Variants in FIGLA observed in about 807,000 individuals in gnomAD.
The protein encoded by FIGLA is factor in the germline alpha.
Under a neutral mutation model 21.5 loss-of-function variants are expected in FIGLA, and 17 were observed. That is an observed-to-expected ratio of 0.79 (90% CI 0.54 to 1.19). The LOEUF (loss-of-function observed/expected upper bound fraction) is 1.19. FIGLA is among the 50% of genes most tolerant of loss of function. The pLI, the probability that FIGLA is intolerant of heterozygous loss-of-function variation, is 0.00. For synonymous variants in FIGLA, 129 were observed against 117.6 expected, an observed-to-expected ratio of 1.10 and a Z score of -0.63; for missense variants, 282 against 285.0, an observed-to-expected ratio of 0.99 and a Z score of 0.08.
chr2:70,786,583 C>T (rs1553390076), intron 2 of FIGLA, among the ~76,000 whole-genome samples: 1 of 152,260 alleles, frequency 6.6e-6, no homozygotes, highest in East Asian at 1.9e-4. Context: ...GGATTATAGG[C>T]GTGAGCCACC....
In FIGLA at chr2:70,785,425, G is replaced by C; in HGVS notation, c.599C>G (p.Thr200Ser). The C allele has an allele frequency of 6.2e-7, 1 of 1,610,794 alleles. No homozygotes were observed. The change falls in exon 3 of 5, where the codon ACC becomes AGC. Residue 200 changes from threonine (T) to serine (S), a missense_variant. Thr to Ser is a moderately conservative substitution (Grantham distance 58). Coordinates refer to ENST00000332372, the MANE Select transcript of FIGLA (RefSeq NM_001004311.3). ...GAAGGAATATTTTACCAGACTTCTG[G>C]TTGGGGAGATAATTTCAGTCGTAGA... is the stretch of plus-strand genomic sequence containing the variant. ...VMSTTEIISP[T>S]RSLDRFPEVE...
intron 3 of FIGLA, among the ~76,000 whole-genome samples, chr2:70,779,053 C>T (rs1675810548): frequency 6.6e-6 from 1 of 152,166 alleles, no homozygotes; most frequent in African/African-American, 2.4e-5. Flanking sequence ...ATCACAGCAC[C>T]AGCCCCTAAA....
intron 1 of FIGLA, 53 bp from the exon 2 acceptor site, chr2:70,787,854 T>C (rs1675983995): frequency 5.7e-6 from 9 of 1,579,036 alleles, no homozygotes; most frequent in South Asian, 1.2e-5. Context: ...TGTATAGACA[T>C]CTCCCCAAGC....
chr2:70,782,781 A>C (rs1553389293), intron 3 of FIGLA, among the ~76,000 whole-genome samples: 1 of 152,198 alleles, frequency 6.6e-6, no homozygotes, highest in African/African-American at 2.4e-5. Flanking sequence ...AATTTTAAAA[A>C]TTAATGGCTG....
chr2:70,779,398 C>T (rs1373361587), intron 3 of FIGLA, among the ~76,000 whole-genome samples: 2 of 152,142 alleles, frequency 1.3e-5, no homozygotes, highest in African/African-American at 4.8e-5. Flanking sequence ...GTTTTACCAT[C>T]GTATAGAGCC....
intron 2 of FIGLA, among the ~76,000 whole-genome samples, chr2:70,787,308 G>A (rs144525497): frequency 1.5e-3 from 234 of 152,248 alleles, no homozygotes; most frequent in Non-Finnish European, 2.5e-3. Flanking sequence ...GTGCTTTTAG[G>A]AAAGCCCCCT....
chr2:70,785,259 AT>A (rs1284751406), intron 3 of FIGLA, among the ~76,000 whole-genome samples, 155 bp downstream of exon 3: 1 of 152,158 alleles, frequency 6.6e-6, no homozygotes, highest in Non-Finnish European at 1.5e-5. Flanking sequence ...AAACAAAATA[AT>A]CTCCCAAACT....
chr2:70,790,005 G>A (rs946893700), intron 1 of FIGLA, among the ~76,000 whole-genome samples: 2 of 152,208 alleles, frequency 1.3e-5, no homozygotes. Context: ...AGAAAAAGGA[G>A]CGAAGGGGAT....
Position 70,785,580 on chromosome 2 carries a change from C to T in FIGLA, c.444G>A (p.Ser148=), listed in dbSNP as rs370759819. 115 of 1,613,814 alleles carry T rather than the reference C, an allele frequency of 7.1e-5. No individual in the cohort carries two copies. Among genetic ancestry groups the T allele is most frequent in the African/African-American group, 1.1e-4 (8 of 74,896 alleles). Residue 148 remains serine (S), a synonymous_variant, in exon 3 of 5, where the codon TCG becomes TCA. Coordinates refer to ENST00000332372, the MANE Select transcript of FIGLA (RefSeq NM_001004311.3). ...TGATGTTTCTTGACAGCTGTCTTGC[C>T]GAGGATGTATGTGATTCAGAACTGT... The part of the protein sequence containing the change: ...SNNSSESHTS[S]ARQLSRNITQ...
At chr2:70,786,929 G>C (rs1675966047) in intron 2 of FIGLA, among the ~76,000 whole-genome samples, 1 of 152,030 alleles carries the variant, frequency 6.6e-6, no homozygotes, top group Non-Finnish European at 1.5e-5. Context: ...TCATTTCTAA[G>C]GCCTTTTCTC....
intron 3 of FIGLA, among the ~76,000 whole-genome samples, chr2:70,780,687 C>T (rs576292540): frequency 7.9e-5 from 12 of 152,284 alleles, no homozygotes; most frequent in East Asian, 7.7e-4. Context: ...GCCAGAAAGA[C>T]GGCTGCACAG....
At chr2:70,789,732 C>G (rs893997349) in intron 1 of FIGLA, among the ~76,000 whole-genome samples, 9 of 152,170 alleles carry the variant, frequency 5.9e-5, no homozygotes, top group African/African-American at 2.2e-4. Context: ...GACCATGTCT[C>G]CCAAGTTTGG....
At chr2:70,788,724 T>A (rs1339935946) in intron 1 of FIGLA, among the ~76,000 whole-genome samples, 2 of 152,218 alleles carry the variant, frequency 1.3e-5, no homozygotes, top group Non-Finnish European at 2.9e-5. Context: ...TAGATACCAT[T>A]TTTTATGTAT....
At chr2:70,779,772 A>G (rs1675821450) in intron 3 of FIGLA, among the ~76,000 whole-genome samples, 1 of 152,132 alleles carries the variant, frequency 6.6e-6, no homozygotes, top group South Asian at 2.1e-4. Flanking sequence ...TCTCACTCCA[A>G]AATTGAGGGT....
chr2:70,789,306 G>A (rs983001136), intron 1 of FIGLA, among the ~76,000 whole-genome samples: 2 of 152,070 alleles, frequency 1.3e-5, no homozygotes, highest in Non-Finnish European at 2.9e-5. Context: ...TCATTATAAA[G>A]AATAATAAAG....
At chr2:70,778,060 A>C (rs1675791979) in intron 3 of FIGLA, among the ~76,000 whole-genome samples, 1 of 152,226 alleles carries the variant, frequency 6.6e-6, no homozygotes, top group Non-Finnish European at 1.5e-5. Context: ...TATTATGTAC[A>C]TCACTGTGGA....
At chr2:70,787,581 A>T in intron 2 of FIGLA, 68 bp downstream of exon 2, 1 of 1,413,388 alleles carries the variant, frequency 7.1e-7, no homozygotes, top group Non-Finnish European at 9.7e-7. Flanking sequence ...CACTTGGCAC[A>T]GTGTCTCGTA....
At position 70,785,699 on chromosome 2, in the gene FIGLA, A is replaced by G. The variant is rs898878843; in HGVS notation, c.385-60T>C. On this transcript the variant is annotated intron_variant, in intron 2 of 4. Coordinates refer to ENST00000332372, the MANE Select transcript of FIGLA (RefSeq NM_001004311.3). ...ATGACAGAAAGATTTTGATGACTTAAACTAATATATTTCAAAGTTTTAACT... is the reference window on the plus strand; with the variant it reads ...ATGACAGAAAGATTTTGATGACTTAGACTAATATATTTCAAAGTTTTAACT... 42 of 1,306,654 alleles carry G rather than the reference A, an allele frequency of 3.2e-5. No homozygotes were observed. The South Asian group carries it at 3.9e-4, about 12-fold the overall frequency. 80.9% of individuals were successfully genotyped at this position (1,306,654 alleles called of 1,614,324 possible).
At chr2:70,790,288 C>T in intron 1 of FIGLA, 120 bp downstream of exon 1, 2 of 1,040,252 alleles carry the variant, frequency 1.9e-6, no homozygotes, top group Non-Finnish European at 2.7e-6. Flanking sequence ...TGGGAGGCCT[C>T]GGGAGCTCGA....
Sources: allele counts gnomAD v4.1 joint callset (sites outside exome capture counted in the v4.1 genomes callset), GRCh38; gene constraint gnomAD v4.1.1; transcripts MANE v1.5; gene names NCBI Gene and HGNC (gene_info 2026-07-23, HGNC 2026-07-21).